The following ARFGEF3 variants were observed in gnomAD, a reference collection of about 807,000 sequenced individuals.
ARFGEF3 encodes ARFGEF family member 3.
Under a neutral mutation model 221.7 loss-of-function variants are expected in ARFGEF3, and 96 were observed. That is an observed-to-expected ratio of 0.43 (90% CI 0.37 to 0.51). The LOEUF is 0.51. Among genes scored for constraint, ARFGEF3 ranks in the 20% least tolerant of loss-of-function variants. The pLI, the probability that ARFGEF3 is intolerant of heterozygous loss-of-function variation, is 0.00. For synonymous variants in ARFGEF3, 1,145 were observed against 1,126.8 expected, an observed-to-expected ratio of 1.02 and a Z score of -0.32; for missense variants, 2,410 against 2,789.9, an observed-to-expected ratio of 0.86 and a Z score of 3.07.
intron 12 of ARFGEF3, among the ~76,000 whole-genome samples, chr6:138,273,680 G>T (rs367801140): frequency 6.6e-5 from 10 of 152,126 alleles, no homozygotes; most frequent in African/African-American, 2.4e-4. Context: ...ATTTTGAGCC[G>T]TGTAACTTTG....
At chr6:138,327,359 G>A (rs1315579017) in intron 31 of ARFGEF3, among the ~76,000 whole-genome samples, 1 of 152,176 alleles carries the variant, frequency 6.6e-6, no homozygotes, top group African/African-American at 2.4e-5. Flanking sequence ...TAAGGTGGGA[G>A]GATCACTCGA....
Position 138,242,064 on chromosome 6 carries a change from G to A in ARFGEF3, c.544-888G>A, listed in dbSNP as rs568363645. 7.9e-5 allele frequency among the ~76,000 whole-genome samples: 12 copies of A among 152,290 alleles called. No individual in the cohort carries two copies. In the East Asian group the frequency reaches 1.9e-3, roughly 24 times the overall value. On this transcript the variant is annotated intron_variant, in intron 6 of 33. Transcript: ENST00000251691. ...GCTGTAGATACTGACATAACATTTC[G>A]CAAAAGTTGTTGTGGAAGCAGCTGA...
chr6:138,323,224 G>C (rs1780065511), intron 29 of ARFGEF3, among the ~76,000 whole-genome samples: 1 of 152,194 alleles, frequency 6.6e-6, no homozygotes. Context: ...AATACTGGAT[G>C]GTTGAGAGAC....
At chr6:138,292,225 C>T (rs1309351176) in intron 19 of ARFGEF3, among the ~76,000 whole-genome samples, 172 bp downstream of exon 19, 1 of 152,198 alleles carries the variant, frequency 6.6e-6, no homozygotes, top group East Asian at 1.9e-4. Context: ...TGGAATGAAA[C>T]GTTTTCTACT....
chr6:138,332,032 A>G (rs1393264180), intron 32 of ARFGEF3, among the ~76,000 whole-genome samples: 1 of 152,092 alleles, frequency 6.6e-6, no homozygotes, highest in Non-Finnish European at 1.5e-5. Context: ...AAGATATTCC[A>G]CAATTCAGAC....
intron 17 of ARFGEF3, 52 bp downstream of exon 17, chr6:138,287,236 A>C: frequency 1.4e-5 from 19 of 1,333,164 alleles, no homozygotes; most frequent in Non-Finnish European, 2.0e-5. Flanking sequence ...CAGTATGCAC[A>C]CACCTGCACA....
At chr6:138,178,514 C>T (rs1307649381) in intron 2 of ARFGEF3, among the ~76,000 whole-genome samples, 1 of 152,212 alleles carries the variant, frequency 6.6e-6, no homozygotes, top group African/African-American at 2.4e-5. Flanking sequence ...TTATATTTCT[C>T]TCCCTTGTGT....
At chr6:138,265,409 TC>T (rs1167652990) in intron 12 of ARFGEF3, among the ~76,000 whole-genome samples, 7 of 152,230 alleles carry the variant, frequency 4.6e-5, no homozygotes. Context: ...CATATTTTTT[TC>T]CTCAATATTT....
intron 1 of ARFGEF3, among the ~76,000 whole-genome samples, chr6:138,166,110 G>A (rs1776717442): frequency 6.6e-6 from 1 of 152,228 alleles, no homozygotes; most frequent in Admixed American, 6.5e-5. Context: ...CATGTCAGCA[G>A]AGTAGTGAGC....
chr6:138,177,266 T>TTTTG (rs545780064), intron 2 of ARFGEF3, among the ~76,000 whole-genome samples: 1 of 151,688 alleles, frequency 6.6e-6, no homozygotes, highest in Non-Finnish European at 1.5e-5. Flanking sequence ...TTTCTGTATT[T>TTTTG]TTTGTTTGTT....
intron 2 of ARFGEF3, among the ~76,000 whole-genome samples, chr6:138,185,497 C>T (rs1018633007): frequency 3.3e-5 from 5 of 152,202 alleles, no homozygotes; most frequent in Non-Finnish European, 2.9e-5. Context: ...GCTGCCATAA[C>T]CAATCTGAAG....
chr6:138,173,767 C>T (rs1327937310), intron 2 of ARFGEF3, among the ~76,000 whole-genome samples: 1 of 152,100 alleles, frequency 6.6e-6, no homozygotes, highest in Non-Finnish European at 1.5e-5. Context: ...ATCTTGTGCA[C>T]CTACAGGAGC....
chr6:138,163,619 A>G (rs1418924175), intron 1 of ARFGEF3, among the ~76,000 whole-genome samples: 2 of 152,176 alleles, frequency 1.3e-5, no homozygotes, highest in African/African-American at 4.8e-5. Context: ...TAGTATTTTA[A>G]TAAGTTTAAA....
intron 8 of ARFGEF3, among the ~76,000 whole-genome samples, chr6:138,247,511 AAC>A (rs1778506543): frequency 6.6e-6 from 1 of 152,184 alleles, no homozygotes; most frequent in South Asian, 2.1e-4. Context: ...CCTCCATCAT[AAC>A]ACAGACAGCT....
intron 10 of ARFGEF3, among the ~76,000 whole-genome samples, 159 bp downstream of exon 10, chr6:138,255,928 G>C (rs1225468489): frequency 6.6e-6 from 1 of 152,188 alleles, no homozygotes; most frequent in African/African-American, 2.4e-5. Context: ...GTCAGTGCGT[G>C]TGTACATGTA....
chr6:138,178,046 T>A (rs991319365), intron 2 of ARFGEF3, among the ~76,000 whole-genome samples: 1 of 152,192 alleles, frequency 6.6e-6, no homozygotes, highest in African/African-American at 2.4e-5. Flanking sequence ...GTATGCTTCC[T>A]TTATCTTTGT....
At chr6:138,294,633 C>G (rs1468487256) in intron 20 of ARFGEF3, among the ~76,000 whole-genome samples, 1 of 152,204 alleles carries the variant, frequency 6.6e-6, no homozygotes, top group African/African-American at 2.4e-5. Context: ...GTCAGTATCC[C>G]TGTTGTCTCC....
intron 2 of ARFGEF3, among the ~76,000 whole-genome samples, chr6:138,203,562 C>T (rs181286759): frequency 5.3e-5 from 8 of 152,322 alleles, no homozygotes; most frequent in East Asian, 3.9e-4. Flanking sequence ...AATGGATGAT[C>T]GGATGGATGG....
intron 12 of ARFGEF3, among the ~76,000 whole-genome samples, chr6:138,265,793 T>G (rs969913085): frequency 5.3e-5 from 8 of 151,978 alleles, no homozygotes; most frequent in Non-Finnish European, 1.2e-4. Context: ...TGTACTTCGG[T>G]CTCTCTCTCT....
Sources: gnomAD v4.1 joint callset for allele counts (sites outside exome capture counted in the v4.1 genomes callset) on GRCh38, gnomAD v4.1.1 for gene constraint, MANE v1.5 for transcripts, NCBI Gene and HGNC (gene_info 2026-07-23, HGNC 2026-07-21) for gene names.